Variants in GRID2 observed in about 807,000 individuals in gnomAD.
GRID2 encodes glutamate receptor ionotropic, delta-2.
In GRID2, 33 loss-of-function variants were observed where a neutral mutation model predicts 114.8. The ratio of observed to expected loss-of-function variants is 0.29; its 90% CI spans 0.22 to 0.38. The LOEUF is 0.38. Among genes scored for constraint, GRID2 ranks in the 10% least tolerant of loss-of-function variants. GRID2 has a pLI of 1.00. For synonymous variants in GRID2, 505 were observed against 449.9 expected (o/e 1.12, Z -1.55); for missense variants, 1,184 against 1,257.7 (o/e 0.94, Z 0.89).
chr4:92,546,268 A>T (rs1726255317), intron 1 of GRID2, among the ~76,000 whole-genome samples: 1 of 152,194 alleles, frequency 6.6e-6, no homozygotes, highest in Non-Finnish European at 1.5e-5. Flanking sequence ...AGAAACCAAC[A>T]TGCAAAAGAA....
intron 1 of GRID2, among the ~76,000 whole-genome samples, chr4:92,338,412 T>G (rs1384456923): frequency 6.6e-6 from 1 of 152,170 alleles, no homozygotes; most frequent in Non-Finnish European, 1.5e-5. Flanking sequence ...TTTAAAGGTC[T>G]AAATATTGTC....
chr4:93,704,200 A>T (rs1295121259), intron 14 of GRID2, among the ~76,000 whole-genome samples: 1 of 152,130 alleles, frequency 6.6e-6, no homozygotes, highest in Non-Finnish European at 1.5e-5. Flanking sequence ...AATTGGTGTG[A>T]GATGGTATCT....
intron 2 of GRID2, among the ~76,000 whole-genome samples, chr4:92,623,487 G>A (rs1024377048): frequency 6.6e-6 from 1 of 151,578 alleles, no homozygotes; most frequent in Non-Finnish European, 1.5e-5. Flanking sequence ...AAAACTATAT[G>A]TAAGCACAGA....
intron 13 of GRID2, among the ~76,000 whole-genome samples, chr4:93,557,137 A>G (rs1734401340): frequency 6.6e-6 from 1 of 152,222 alleles, no homozygotes; most frequent in African/African-American, 2.4e-5. Context: ...CTGCAAAAAC[A>G]TACCAAATTG....
At chr4:93,520,934 T>G (rs1281158790) in intron 13 of GRID2, among the ~76,000 whole-genome samples, 1 of 151,852 alleles carries the variant, frequency 6.6e-6, no homozygotes, top group Non-Finnish European at 1.5e-5. Flanking sequence ...GGCTCAAGGG[T>G]GGGAGCGGGG....
At chr4:92,607,254 G>GC (rs1729504631) in intron 2 of GRID2, among the ~76,000 whole-genome samples, 1 of 151,930 alleles carries the variant, frequency 6.6e-6, no homozygotes, top group African/African-American at 2.4e-5. Context: ...TAAATAATAT[G>GC]ACAAATGAAA....
chr4:93,078,283 C>T (rs899505550), intron 2 of GRID2, among the ~76,000 whole-genome samples: 1 of 152,166 alleles, frequency 6.6e-6, no homozygotes, highest in Non-Finnish European at 1.5e-5. Context: ...ACTTCTGTAG[C>T]AAAGGCTTCC....
At chr4:92,703,181 A>G (rs2149302862) in intron 2 of GRID2, among the ~76,000 whole-genome samples, 1 of 152,312 alleles carries the variant, frequency 6.6e-6, no homozygotes, top group South Asian at 2.1e-4. Flanking sequence ...ACATAGAAGA[A>G]AAACATGGTA....
chr4:93,513,550 T>C (rs2149488835), intron 12 of GRID2, among the ~76,000 whole-genome samples: 1 of 152,322 alleles, frequency 6.6e-6, no homozygotes, highest in Non-Finnish European at 1.5e-5. Context: ...AGCTTTAGTT[T>C]ACCTTTTACA....
intron 6 of GRID2, among the ~76,000 whole-genome samples, chr4:93,220,091 G>A (rs1194679750): frequency 6.6e-6 from 1 of 151,900 alleles, no homozygotes; most frequent in East Asian, 1.9e-4. Flanking sequence ...CTGAAAGGAA[G>A]GAAAAAAGAT....
intron 13 of GRID2, among the ~76,000 whole-genome samples, chr4:93,593,593 C>T (rs1440491643): frequency 8.0e-5 from 12 of 149,290 alleles, no homozygotes; most frequent in Admixed American, 6.7e-5. Context: ...TGAATCTGAA[C>T]GTTGGCCTGC....
At chr4:93,572,143 C>A (rs1263725108) in intron 13 of GRID2, among the ~76,000 whole-genome samples, 1 of 152,076 alleles carries the variant, frequency 6.6e-6, no homozygotes, top group Non-Finnish European at 1.5e-5. Context: ...TTATTCAGAA[C>A]TTATTCATGT....
At chr4:93,150,126 G>A (rs1439411031) in intron 4 of GRID2, among the ~76,000 whole-genome samples, 3 of 152,120 alleles carry the variant, frequency 2.0e-5, no homozygotes, top group Admixed American at 2.0e-4. Context: ...CCCCAGAGTT[G>A]AATAACTCAT....
intron 1 of GRID2, among the ~76,000 whole-genome samples, chr4:92,574,337 T>G: frequency 6.6e-6 from 1 of 152,092 alleles, no homozygotes; most frequent in East Asian, 1.9e-4. Context: ...CCTGTCATCA[T>G]GATGGTATTA....
rs890999706 is a variant in GRID2, at chr4:93,459,102, C to T, written c.1858+3128C>T. On this transcript the variant is annotated intron_variant, in intron 11 of 15. Transcript: ENST00000282020. ...GGCTGAGGCTGGAGAATTGCTTGAA[C>T]CCAGGAGCGGGAGGTTGCAGTGAGC... Among the ~76,000 whole-genome samples the T allele has an allele frequency of 1.2e-4, 17 of 143,012 alleles. No individual in the cohort carries two copies. The East Asian group carries it at 3.2e-3, about 27-fold the overall frequency. 93.8% of individuals were successfully genotyped at this position (143,012 alleles called of 152,430 possible).
At chr4:92,728,092 C>A (rs1736148830) in intron 2 of GRID2, among the ~76,000 whole-genome samples, 1 of 151,936 alleles carries the variant, frequency 6.6e-6, no homozygotes, top group South Asian at 2.1e-4. Flanking sequence ...TGGAACAGAT[C>A]ATGTAAATCC....
At chr4:93,381,373 A>C (rs959601819) in intron 8 of GRID2, among the ~76,000 whole-genome samples, 4 of 152,084 alleles carry the variant, frequency 2.6e-5, no homozygotes, top group African/African-American at 9.7e-5. Context: ...TAATGTCCTC[A>C]AGGTTCATCC....
At chr4:93,395,519 C>A in intron 8 of GRID2, 88 bp from the exon 9 acceptor site, 2 of 661,170 alleles carry the variant, frequency 3.0e-6, no homozygotes, top group South Asian at 3.8e-5. Context: ...ATTCTAAGAG[C>A]TATCACATAG....
intron 8 of GRID2, among the ~76,000 whole-genome samples, chr4:93,293,127 G>C (rs1371188270): frequency 6.6e-6 from 1 of 152,076 alleles, no homozygotes; most frequent in African/African-American, 2.4e-5. Flanking sequence ...ATCCTCCCCA[G>C]GTGCACGGCA....
Sources: gnomAD v4.1 joint callset for allele counts (sites outside exome capture counted in the v4.1 genomes callset) on GRCh38, gnomAD v4.1.1 for gene constraint, MANE v1.5 for transcripts, NCBI Gene and HGNC (gene_info 2026-07-23, HGNC 2026-07-21) for gene names.